Variants in TMX1 observed in about 807,000 individuals in gnomAD.
TMX1 encodes the protein thioredoxin-related transmembrane protein 1.
In TMX1, 25 loss-of-function variants were observed where a neutral mutation model predicts 36.6. The observed-to-expected ratio is 0.68, with a 90% CI of 0.50 to 0.95. The LOEUF (loss-of-function observed/expected upper bound fraction) is 0.95. Among genes scored for constraint, TMX1 ranks in the 40% least tolerant of loss-of-function variants. The probability of loss-of-function intolerance (pLI) is 0.00; values close to 1 mark genes in which losing one functional copy is unlikely to be tolerated. For missense variants in TMX1, 347 were observed against 339.6 expected, an observed-to-expected ratio of 1.02 and a Z score of -0.17; for synonymous variants, 133 against 118.0, an observed-to-expected ratio of 1.13 and a Z score of -0.82.
chr14:51,249,855 C>T, intron 7 of TMX1, 90 bp downstream of exon 7: 13 of 997,924 alleles, frequency 1.3e-5, no homozygotes, highest in Non-Finnish European at 1.8e-5. Context: ...GTTGCTCTTC[C>T]AGCTTAGAAT....
intron 7 of TMX1, 134 bp downstream of exon 7, chr14:51,249,899 G>A: frequency 1.6e-6 from 1 of 642,996 alleles, no homozygotes; most frequent in Non-Finnish European, 2.6e-6. Context: ...TATCAGCTAT[G>A]GCATAAAGGA....
Position 51,240,268 on chromosome 14 carries a change from C to G in TMX1, c.-25C>G. 1.9e-6 allele frequency: 3 copies of G among 1,605,272 alleles called. No homozygotes were observed. The highest frequency in any genetic ancestry group is 2.5e-6 in the Non-Finnish European group (3 of 1,179,030). On this transcript the variant is annotated 5_prime_UTR_variant, in exon 1 of 8. Coordinates refer to ENST00000457354, the MANE Select transcript of TMX1 (RefSeq NM_030755.5). ...CGGAAGTGGGAGCTGCGACCGCGCT[C>G]CCTGTGAGGTGGGCAAGCGGCGAAA...
intron 4 of TMX1, among the ~76,000 whole-genome samples, chr14:51,248,885 G>GAT (rs1357576617): frequency 3.9e-5 from 6 of 152,140 alleles, no homozygotes; most frequent in Non-Finnish European, 8.8e-5. Flanking sequence ...AAAAAAGAGG[G>GAT]ATAGTTCTTA....
At chr14:51,249,411 C>T (rs770652105) in intron 5 of TMX1, 40 bp downstream of exon 5, 11 of 1,591,762 alleles carry the variant, frequency 6.9e-6, no homozygotes, top group African/African-American at 1.4e-5. Context: ...ATTTTTACCA[C>T]TATCACTTTA....
rs972354167 is a variant in TMX1, at chr14:51,240,427, A to G, written c.135A>G (p.Gly45=). ...AGAACTGGAGAGAACTGCTGGAAGGAGACTGGATGATAGAATTGTGAGTGC... is the reference window on the plus strand; with the variant it reads ...AGAACTGGAGAGAACTGCTGGAAGGGGACTGGATGATAGAATTGTGAGTGC... The part of the protein sequence containing the change: ...TDENWRELLE[G]DWMIEFYAPW... Residue 45 remains glycine, a synonymous_variant, in exon 1 of 8, where the codon GGA becomes GGG. Coordinates refer to ENST00000457354, the MANE Select transcript of TMX1 (RefSeq NM_030755.5). 1 of 1,613,816 alleles carries G rather than the reference A, an allele frequency of 6.2e-7. No homozygotes were observed. Among genetic ancestry groups the G allele is most frequent in the East Asian group, 2.2e-5 (1 of 44,880 alleles).
chr14:51,246,735 A>G (rs1409575396), intron 3 of TMX1, among the ~76,000 whole-genome samples: 1 of 152,252 alleles, frequency 6.6e-6, no homozygotes, highest in Non-Finnish European at 1.5e-5. Context: ...AATAATTACT[A>G]TGTGCCAAGC....
intron 3 of TMX1, 152 bp downstream of exon 3, chr14:51,245,510 C>A: frequency 6.6e-7 from 1 of 1,526,156 alleles, no homozygotes; most frequent in Non-Finnish European, 8.8e-7. Flanking sequence ...TTAGTGTTAT[C>A]CTAGGTGCCT....
At chr14:51,250,801 TCTTAA>T (rs1197127754) in intron 7 of TMX1, among the ~76,000 whole-genome samples, 1 of 152,166 alleles carries the variant, frequency 6.6e-6, no homozygotes, top group African/African-American at 2.4e-5. Flanking sequence ...ATGATGTCTT[TCTTAA>T]CTTAGCTTAT....
Position 51,257,085 on chromosome 14 carries a change from C to A in TMX1, c.*2566C>A, listed in dbSNP as rs1205761018. 2 of 151,964 alleles carry A rather than the reference C, an allele frequency of 1.3e-5. No individual in the cohort carries two copies. Among genetic ancestry groups the A allele is most frequent in the Admixed American group, 6.6e-5 (1 of 15,258 alleles). 9.4% of individuals were successfully genotyped at this position (151,964 alleles called of 1,614,324 possible). A position where few individuals can be genotyped will look rare whatever the true frequency, so the allele number is the denominator to read the frequency against. The stretch of plus-strand genomic sequence containing the variant: ...TCTTCTGCCTCAGCCTCCCAAGTAG[C>A]TGGGATTACAGGCATGTGCCACCAT... On this transcript the variant is annotated 3_prime_UTR_variant, in exon 8 of 8. Transcript: ENST00000457354.
In TMX1 at chr14:51,247,185, G is replaced by GC; in HGVS notation, c.411dup (p.Val138ArgfsTer14). On this transcript the variant is annotated frameshift_variant, in exon 4 of 8. Coordinates refer to ENST00000457354, the MANE Select transcript of TMX1 (RefSeq NM_030755.5). LOFTEE classifies it high-confidence loss of function. The stretch of plus-strand genomic sequence containing the variant: ...GTGATAAAGAGTGGAAGAGTATTGA[G>GC]CCCGTTTCATCATGGTTTGGTCCAG... 6.2e-7 allele frequency: 1 copy of GC among 1,613,550 alleles called. No individual in the cohort carries two copies. The highest frequency in any genetic ancestry group is 8.5e-7 in the Non-Finnish European group (1 of 1,179,800).
rs1251695676 is a variant in TMX1, at chr14:51,254,381, G to A, written c.705G>A (p.Val235=). The A allele has an allele frequency of 6.2e-7, 1 of 1,610,572 alleles. No homozygotes were observed. Residue 235 remains valine (V), a synonymous_variant, in exon 8 of 8, where the codon GTG becomes GTA. Coordinates refer to ENST00000457354, the MANE Select transcript of TMX1 (RefSeq NM_030755.5). ...LSESAQPLKK[V]EEEQEADEED... is the part of the protein sequence containing the mutation. Reference sequence around the variant, plus strand: ...AATCTGCACAACCTTTGAAAAAAGTGGAGGAGGAACAAGAGGCGGATGAAG... The same window carrying A: ...AATCTGCACAACCTTTGAAAAAAGTAGAGGAGGAACAAGAGGCGGATGAAG...
At chr14:51,245,386 G>C in intron 3 of TMX1, 28 bp downstream of exon 3, 1 of 1,612,438 alleles carries the variant, frequency 6.2e-7, no homozygotes, top group Non-Finnish European at 8.5e-7. Context: ...CTAAATTATG[G>C]AGAAGGATGC....
intron 7 of TMX1, among the ~76,000 whole-genome samples, chr14:51,250,742 C>T (rs1265114730): frequency 3.9e-5 from 6 of 152,166 alleles, no homozygotes; most frequent in Admixed American, 6.5e-5. Flanking sequence ...CCGCCAGCCT[C>T]GGCCTCCCAA....
chr14:51,254,283 T>C, intron 7 of TMX1, 58 bp from the exon 8 acceptor site: 2 of 1,477,660 alleles, frequency 1.4e-6, no homozygotes, highest in South Asian at 3.0e-5. Context: ...ATCTTGATTT[T>C]ACTCTAAAGC....
Position 51,256,127 on chromosome 14 carries a change from G to C in TMX1, c.*1608G>C, listed in dbSNP as rs1046780921. 17 of 152,462 alleles carry C rather than the reference G, an allele frequency of 1.1e-4. No homozygotes were observed. Among genetic ancestry groups the C allele is most frequent in the African/African-American group, 3.6e-4 (15 of 41,414 alleles). The allele number at this position is 152,462 out of a possible 1,614,324, so 9.4% of individuals were successfully genotyped here. Reference sequence around the variant, plus strand: ...TTTAACGATGTTCAGATGAGTAGTTGTGTGTTCCTATATATGTACTTGATA... The same window carrying C: ...TTTAACGATGTTCAGATGAGTAGTTCTGTGTTCCTATATATGTACTTGATA... On this transcript the variant is annotated 3_prime_UTR_variant, in exon 8 of 8. Transcript: ENST00000457354.
chr14:51,248,307 T>C (rs2065796009), intron 4 of TMX1, among the ~76,000 whole-genome samples: 1 of 152,164 alleles, frequency 6.6e-6, no homozygotes, highest in Non-Finnish European at 1.5e-5. Context: ...CTTCCTGTCC[T>C]CTCACCACAC....
chr14:51,249,127 G>A (rs1427994552), intron 4 of TMX1, among the ~76,000 whole-genome samples, 199 bp from the exon 5 acceptor site: 1 of 152,156 alleles, frequency 6.6e-6, no homozygotes, highest in Admixed American at 6.5e-5. Flanking sequence ...TATTTATGAG[G>A]CTGTCACATG....
chr14:51,243,275 C>T (rs1470797230), intron 1 of TMX1, among the ~76,000 whole-genome samples: 1 of 152,114 alleles, frequency 6.6e-6, no homozygotes, highest in Non-Finnish European at 1.5e-5. Context: ...TTTTGTTTGG[C>T]CTGCTTAGTA....
intron 1 of TMX1, 49 bp from the exon 2 acceptor site, chr14:51,243,807 T>C (rs989711882): frequency 3.8e-6 from 5 of 1,301,898 alleles, no homozygotes; most frequent in Non-Finnish European, 5.2e-6. Flanking sequence ...AGATAAATGG[T>C]CATACTAAAG....
Sources: allele counts gnomAD v4.1 joint callset (sites outside exome capture counted in the v4.1 genomes callset), GRCh38; gene constraint gnomAD v4.1.1; transcripts MANE v1.5; gene names NCBI Gene and HGNC (gene_info 2026-07-23, HGNC 2026-07-21).